SRPRB: variants seen among roughly 807,000 people sequenced by gnomAD.
SRPRB encodes the protein signal recognition particle receptor subunit beta.
SRPRB carries 20 observed loss-of-function variants against 31.9 expected under a neutral mutation model. That is an observed-to-expected ratio of 0.63 (90% CI 0.44 to 0.91). SRPRB has a LOEUF of 0.91. Among genes scored for constraint, SRPRB ranks in the 40% least tolerant of loss-of-function variants. The probability of loss-of-function intolerance (pLI) is 0.00; values close to 1 mark genes in which losing one functional copy is unlikely to be tolerated. For synonymous variants in SRPRB, 146 were observed against 132.8 expected (o/e 1.10, Z -0.68); for missense variants, 321 against 324.9 (o/e 0.99, Z 0.09).
intron 4 of SRPRB, among the ~76,000 whole-genome samples, chr3:133,814,432 GTTTT>G (rs1160708604): frequency 7.0e-6 from 1 of 143,050 alleles, no homozygotes; most frequent in South Asian, 2.3e-4. Context: ...CGCCTGGCCG[GTTTT>G]TTTGTTTTTT....
chr3:133,812,385 G>A lies in SRPRB; in HGVS notation c.410+1186G>A, dbSNP rs369043458. Among the ~76,000 whole-genome samples, 3 of 152,210 alleles carry A rather than the reference G, an allele frequency of 2.0e-5. No homozygotes were observed. In the East Asian group the frequency reaches 5.8e-4, roughly 29 times the overall value. ...AGCTGGTAAATTTTGCCATAATTGG[G>A]TTTTTATTTCCAATTAAATGTTTTT... On this transcript the variant is annotated intron_variant, in intron 4 of 6. Transcript: ENST00000678299.
At chr3:133,784,795 T>C (rs1027267125) in intron 1 of SRPRB, 3 of 152,258 alleles carry the variant, frequency 2.0e-5, no homozygotes, top group African/African-American at 7.2e-5. Flanking sequence ...TTAGAGGACA[T>C]GGGGCAGAAG....
At chr3:133,825,857 C>T (rs954977768), downstream of SRPRB, 1 of 152,296 alleles carries the variant, frequency 6.6e-6, no homozygotes, top group East Asian at 1.9e-4. Flanking sequence ...AGAACATTTC[C>T]TCAAAGGAAT....
chr3:133,805,563 T>G (rs1456214329), upstream of SRPRB: 5 of 300,982 alleles, frequency 1.7e-5, no homozygotes, highest in East Asian at 5.5e-5. Context: ...ATTCATTTTA[T>G]TCATTTCATC....
At chr3:133,792,020 ATG>A (rs1343363634) in intron 1 of SRPRB, 2 of 152,218 alleles carry the variant, frequency 1.3e-5, no homozygotes, top group African/African-American at 4.8e-5. Context: ...TATCTTCAAA[ATG>A]TAAATATTTA....
chr3:133,786,228 A>T, intron 1 of SRPRB: 1 of 77,066 alleles, frequency 1.3e-5, no homozygotes, highest in East Asian at 6.7e-4. Flanking sequence ...AAATTAAAAA[A>T]AAAAAAAAAA....
At chr3:133,788,368 A>G (rs926323752) in intron 1 of SRPRB, 4 of 152,236 alleles carry the variant, frequency 2.6e-5, no homozygotes, top group Non-Finnish European at 4.4e-5. Flanking sequence ...TTGAGAGGGT[A>G]TTTAAACCCG....
rs983152116 is a variant in SRPRB at position 133,821,054 on chromosome 3, CAG to C, written c.*1289_*1290del. 3.3e-5 allele frequency: 5 copies of C among 152,428 alleles called. No individual in the cohort carries two copies. Among genetic ancestry groups the C allele is most frequent in the African/African-American group, 1.2e-4 (5 of 41,448 alleles). 9.4% of individuals were successfully genotyped at this position (152,428 alleles called of 1,614,324 possible). A position where few individuals can be genotyped will look rare whatever the true frequency, so the allele number is the denominator to read the frequency against. ...GGGCACCCCACCTGGCCTTGAGGAT[CAG>C]GGGGAGTCAAAGGATAAAGCATGGG... is the stretch of plus-strand genomic sequence containing the variant. On this transcript the variant is annotated 3_prime_UTR_variant, in exon 7 of 7. Coordinates refer to ENST00000678299, the MANE Select transcript of SRPRB (RefSeq NM_001379313.1).
downstream of SRPRB, chr3:133,826,977 A>G (rs1935575298): frequency 6.5e-6 from 1 of 152,692 alleles, no homozygotes; most frequent in African/African-American, 2.4e-5. Context: ...AACACATGAC[A>G]TCTGAAACAC....
intron 1 of SRPRB, chr3:133,791,441 G>C (rs1295100417): frequency 6.6e-6 from 1 of 152,128 alleles, no homozygotes; most frequent in African/African-American, 2.4e-5. Context: ...TGGCAAAAGG[G>C]TAAGAATTTC....
intron 1 of SRPRB, chr3:133,791,235 G>A (rs1471162542): frequency 6.6e-6 from 1 of 152,086 alleles, no homozygotes; most frequent in African/African-American, 2.4e-5. Flanking sequence ...CTCAAATTCT[G>A]TTTATGATAC....
intron 6 of SRPRB, among the ~76,000 whole-genome samples, chr3:133,817,427 G>A (rs1187000061): frequency 6.6e-6 from 1 of 152,166 alleles, no homozygotes; most frequent in East Asian, 1.9e-4. Flanking sequence ...AGAACACTGA[G>A]GAAGACTACA....
At chr3:133,809,896 T>G (rs1267460818) in intron 3 of SRPRB, among the ~76,000 whole-genome samples, 1 of 152,204 alleles carries the variant, frequency 6.6e-6, no homozygotes, top group Admixed American at 6.5e-5. Context: ...TACTGGAATA[T>G]TTAAAATTAC....
chr3:133,813,907 G>A (rs182853361), intron 4 of SRPRB, among the ~76,000 whole-genome samples: 26 of 152,334 alleles, frequency 1.7e-4, no homozygotes, highest in African/African-American at 5.5e-4. Context: ...CCCCTTGGGG[G>A]TCTTACACCT....
rs777175433 is a variant in SRPRB, at chr3:133,811,119, C to T, written c.330C>T (p.Gly110=). Residue 110 remains glycine (G), a splice_region_variant and synonymous_variant, in exon 4 of 7, where the codon GGC becomes GGT. Transcript: ENST00000678299. ...AATGTTATTGCTGCCATCCCCAGGG[C>T]AATAGTCTGACCTTGATTGACCTTC... ...CAVYRVNNNR[G]NSLTLIDLPG... The T allele has an allele frequency of 6.2e-7, 1 of 1,614,044 alleles. No individual in the cohort carries two copies. The highest frequency in any genetic ancestry group is 2.2e-5 in the East Asian group (1 of 44,886).
At chr3:133,808,728 T>C (rs928769758) in intron 3 of SRPRB, among the ~76,000 whole-genome samples, 37 of 151,598 alleles carry the variant, frequency 2.4e-4, no homozygotes, top group African/African-American at 8.7e-4. Context: ...CTGTCTCTAC[T>C]AAAAATACAA....
intron 1 of SRPRB, chr3:133,790,562 A>G (rs1207109173): frequency 6.6e-6 from 1 of 152,254 alleles, no homozygotes; most frequent in East Asian, 1.9e-4. Flanking sequence ...CCTGATAGAG[A>G]ATTGGAGATA....
chr3:133,824,778 C>CA (rs1935530408), downstream of SRPRB: 1 of 152,036 alleles, frequency 6.6e-6, no homozygotes. Context: ...GTGTCCTAAC[C>CA]AAAAAGAGTA....
chr3:133,791,993 T>C (rs1934851256), intron 1 of SRPRB: 1 of 152,234 alleles, frequency 6.6e-6, no homozygotes, highest in Non-Finnish European at 1.5e-5. Flanking sequence ...TTTTAAAGAT[T>C]ATTGGTAAAA....
Sources: gnomAD v4.1 joint callset for allele counts (sites outside exome capture counted in the v4.1 genomes callset) on GRCh38, gnomAD v4.1.1 for gene constraint, MANE v1.5 for transcripts, NCBI Gene and HGNC (gene_info 2026-07-23, HGNC 2026-07-21) for gene names.